RB1CC1: variants seen among roughly 807,000 people sequenced by gnomAD.
RB1CC1 encodes the protein RB1 inducible coiled-coil 1.
In RB1CC1, 46 loss-of-function variants were observed where a neutral mutation model predicts 177.5. The observed-to-expected ratio is 0.26, with a 90% CI of 0.20 to 0.33. The LOEUF is 0.33. RB1CC1 is among the 10% of genes least tolerant of loss of function. RB1CC1 has a pLI of 1.00. For synonymous variants in RB1CC1, 666 were observed against 613.6 expected (o/e 1.09, Z -1.26); for missense variants, 1,703 against 1,816.3 (o/e 0.94, Z 1.13).
chr8:52,682,021 G>A (rs1853790386), intron 5 of RB1CC1, among the ~76,000 whole-genome samples: 1 of 152,130 alleles, frequency 6.6e-6, no homozygotes, highest in Admixed American at 6.6e-5. Flanking sequence ...CCCCAGAATG[G>A]AAGACCCACC....
At chr8:52,703,117 T>C (rs1386384535) in intron 1 of RB1CC1, among the ~76,000 whole-genome samples, 3 of 145,442 alleles carry the variant, frequency 2.1e-5, no homozygotes, top group African/African-American at 7.5e-5. Context: ...TATCTTATAT[T>C]AAAAAAAAAA....
intron 20 of RB1CC1, among the ~76,000 whole-genome samples, chr8:52,631,489 T>C (rs1848752099): frequency 6.6e-6 from 1 of 152,124 alleles, no homozygotes; most frequent in Non-Finnish European, 1.5e-5. Flanking sequence ...AATTTAGAAG[T>C]AATTAAACTT....
chr8:52,674,908 T>G (rs932681939), intron 6 of RB1CC1, among the ~76,000 whole-genome samples: 1 of 152,182 alleles, frequency 6.6e-6, no homozygotes, highest in Non-Finnish European at 1.5e-5. Context: ...AATATAACCT[T>G]ATGGCCTTAA....
chr8:52,679,345 A>G (rs1057408779), intron 5 of RB1CC1, among the ~76,000 whole-genome samples: 7 of 152,232 alleles, frequency 4.6e-5, no homozygotes, highest in African/African-American at 7.2e-5. Context: ...GCATATCTTC[A>G]TATGTGCGGG....
chr8:52,657,520 T>A lies in RB1CC1; in HGVS notation c.2309A>T (p.Asn770Ile). 1 of 1,613,984 alleles carries A rather than the reference T, an allele frequency of 6.2e-7. No homozygotes were observed. The highest frequency in any genetic ancestry group is 1.1e-5 in the South Asian group (1 of 91,074). Residue 770 changes from asparagine to isoleucine, a missense_variant, in exon 15 of 24, where the codon AAT becomes ATT. By Grantham distance (149) the Asn-to-Ile change is moderately radical. Coordinates refer to ENST00000025008, the MANE Select transcript of RB1CC1 (RefSeq NM_014781.5). ...MVESLYSSVI[N>I]AIDSRRMQDT... ...CTGCATTCGTCTACTGTCTATCGCA[T>A]TGATAACTGATGAATAAAGTGATTC...
At chr8:52,628,281 T>C (rs939014870) in intron 21 of RB1CC1, 113 bp from the exon 22 acceptor site, 12 of 1,086,626 alleles carry the variant, frequency 1.1e-5, no homozygotes, top group South Asian at 9.0e-5. Context: ...TAATGCAATA[T>C]TAAATTTCAC....
Position 52,657,180 on chromosome 8 carries a change from C to T in RB1CC1, c.2649G>A (p.Lys883=). Residue 883 remains lysine (K), a synonymous_variant, in exon 15 of 24, where the codon AAG becomes AAA. Coordinates refer to ENST00000025008, the MANE Select transcript of RB1CC1 (RefSeq NM_014781.5). The part of the protein sequence containing the change: ...EYEGKLDGLI[K]ETEENENKIK... ...TTTTGTTTTCATTCTCTTCAGTTTC[C>T]TTTATTAGTCCGTCAAGTTTACCTT... is the stretch of plus-strand genomic sequence containing the variant. 6.2e-7 allele frequency: 1 copy of T among 1,605,386 alleles called. No homozygotes were observed. Among genetic ancestry groups the T allele is most frequent in the East Asian group, 2.2e-5 (1 of 44,780 alleles).
chr8:52,660,748 G>A, intron 11 of RB1CC1, 91 bp from the exon 12 acceptor site: 1 of 1,261,844 alleles, frequency 7.9e-7, no homozygotes. Flanking sequence ...ATTAAAAGTT[G>A]ACAGTACTTC....
chr8:52,663,767 A>G (rs1311641812), intron 8 of RB1CC1, among the ~76,000 whole-genome samples: 2 of 152,176 alleles, frequency 1.3e-5, no homozygotes, highest in Non-Finnish European at 2.9e-5. Flanking sequence ...GACTAGATAG[A>G]ATTGTGACAT....
At chr8:52,638,073 AG>A (rs1849287427) in intron 18 of RB1CC1, among the ~76,000 whole-genome samples, 1 of 152,156 alleles carries the variant, frequency 6.6e-6, no homozygotes, top group African/African-American at 2.4e-5. Flanking sequence ...TCTTGATTTT[AG>A]GGGAAAAGCA....
intron 1 of RB1CC1, among the ~76,000 whole-genome samples, chr8:52,702,055 A>G (rs546139201): frequency 1.3e-5 from 2 of 151,994 alleles, no homozygotes; most frequent in Middle Eastern, 3.4e-3. Context: ...TGATCCACCC[A>G]CCTCGGCCTC....
intron 8 of RB1CC1, 53 bp from the exon 9 acceptor site, chr8:52,661,772 T>C (rs1851652514): frequency 2.2e-6 from 3 of 1,350,832 alleles, no homozygotes; most frequent in Non-Finnish European, 3.0e-6. Context: ...ATGAAAGGTA[T>C]GGACATTCAG....
chr8:52,648,093 C>T (rs1454588507), intron 15 of RB1CC1, among the ~76,000 whole-genome samples: 2 of 151,996 alleles, frequency 1.3e-5, no homozygotes, highest in Non-Finnish European at 2.9e-5. Context: ...GGACACAGTT[C>T]CAGGTACACA....
chr8:52,632,919 C>A (rs1848868157), intron 20 of RB1CC1, among the ~76,000 whole-genome samples: 1 of 152,206 alleles, frequency 6.6e-6, no homozygotes, highest in Non-Finnish European at 1.5e-5. Flanking sequence ...CTCGGCCCCA[C>A]TGCTTCACTA....
chr8:52,645,432 C>G (rs937868320), intron 16 of RB1CC1, among the ~76,000 whole-genome samples: 4 of 152,136 alleles, frequency 2.6e-5, no homozygotes, highest in African/African-American at 9.7e-5. Flanking sequence ...CATTCCCTCG[C>G]TTCTAATCTA....
At chr8:52,672,744 C>T (rs1013605737) in intron 7 of RB1CC1, among the ~76,000 whole-genome samples, 5 of 151,974 alleles carry the variant, frequency 3.3e-5, no homozygotes, top group African/African-American at 4.8e-5. Context: ...GACCCTAACT[C>T]AAAAAACAAA....
chr8:52,700,302 T>G (rs893769849), intron 1 of RB1CC1, among the ~76,000 whole-genome samples: 1 of 151,898 alleles, frequency 6.6e-6, no homozygotes, highest in Non-Finnish European at 1.5e-5. Context: ...GGCAGGTGGA[T>G]TGCTTGAGAT....
In RB1CC1 at chr8:52,641,337, T is replaced by C. The variant is rs545273851; in HGVS notation, c.4337+1014A>G. On this transcript the variant is annotated intron_variant, in intron 18 of 23. Transcript: ENST00000025008. ...AGGCGGAGGTTGCAGTGAGCCGAGA[T>C]TGTGCCATCACACTCCACCCTGGGG... 7.2e-4 allele frequency among the ~76,000 whole-genome samples: 105 copies of C among 146,370 alleles called. 1 individual carries two copies. Among genetic ancestry groups the C allele is most frequent in the South Asian group, 5.4e-3 (25 of 4,640 alleles).
chr8:52,686,805 A>T, intron 2 of RB1CC1, 48 bp downstream of exon 2: 1 of 361,250 alleles, frequency 2.8e-6, no homozygotes, highest in Non-Finnish European at 5.4e-6. Flanking sequence ...TCATTATTTT[A>T]AAGGCAATAG....
Sources: allele counts gnomAD v4.1 joint callset (sites outside exome capture counted in the v4.1 genomes callset), GRCh38; gene constraint gnomAD v4.1.1; transcripts MANE v1.5; gene names NCBI Gene and HGNC (gene_info 2026-07-23, HGNC 2026-07-21).